The following FNTB variants were observed in gnomAD, a reference collection of about 807,000 sequenced individuals.
The protein encoded by FNTB is protein farnesyltransferase subunit beta.
In FNTB, 27 loss-of-function variants were observed where a neutral mutation model predicts 59.4. The observed-to-expected ratio is 0.45, with a 90% CI of 0.34 to 0.63. FNTB has a LOEUF of 0.63. Among genes scored for constraint, FNTB ranks in the 20% least tolerant of loss-of-function variants. The pLI is 0.02. For missense variants in FNTB, 449 were observed against 559.6 expected, an observed-to-expected ratio of 0.80 and a Z score of 1.99; for synonymous variants, 230 against 220.7, an observed-to-expected ratio of 1.04 and a Z score of -0.37.
intron 9 of FNTB, among the ~76,000 whole-genome samples, chr14:65,049,477 C>T (rs2062559755): frequency 6.6e-6 from 1 of 152,176 alleles, no homozygotes; most frequent in Admixed American, 6.5e-5. Flanking sequence ...AGTTATCACC[C>T]TATAATCGTA....
chr14:65,061,504 T>A lies in FNTB; in HGVS notation c.*192T>A. The A allele has an allele frequency of 9.5e-7, 1 of 1,050,628 alleles. No homozygotes were observed. The highest frequency in any genetic ancestry group is 3.3e-4 in the Middle Eastern group (1 of 3,052). 65.1% of individuals were successfully genotyped at this position (1,050,628 alleles called of 1,614,324 possible). A position where few individuals can be genotyped will look rare whatever the true frequency, so the allele number is the denominator to read the frequency against. On this transcript the variant is annotated 3_prime_UTR_variant, in exon 12 of 12. Transcript: ENST00000246166. ...GAACACAGTGGCTGGTTTTAAAAAT[T>A]CTTTCCACACCTGTCAAACCAAAAA...
chr14:65,005,267 T>C (rs2061562483), intron 2 of FNTB, among the ~76,000 whole-genome samples: 1 of 152,228 alleles, frequency 6.6e-6, no homozygotes, highest in South Asian at 2.1e-4. Context: ...TCCAGTGTTT[T>C]GTAATATGTC....
chr14:65,045,199 G>A (rs893422919), intron 9 of FNTB, among the ~76,000 whole-genome samples: 6 of 152,174 alleles, frequency 3.9e-5, no homozygotes, highest in Non-Finnish European at 7.3e-5. Flanking sequence ...CTTGATGTGA[G>A]AGCAGGTGTC....
chr14:65,044,289 T>C lies in FNTB; in HGVS notation c.823-22T>C. 1 of 1,611,968 alleles carries C rather than the reference T, an allele frequency of 6.2e-7. No homozygotes were observed. The highest frequency in any genetic ancestry group is 8.5e-7 in the Non-Finnish European group (1 of 1,179,186). On this transcript the variant is annotated intron_variant, in intron 8 of 11. Coordinates refer to ENST00000246166, the MANE Select transcript of FNTB (RefSeq NM_002028.4). This position sits in a 1 kb window ranked among gnomAD's most constrained non-coding sequence, Gnocchi z 5.5. The stretch of plus-strand genomic sequence containing the variant: ...TTGTCTCTTTTAGCCTACAACTGCC[T>C]TTCCCATCTGTGTCTCCTCAGCAAT...
chr14:65,042,697 A>G (rs530975275), intron 8 of FNTB, among the ~76,000 whole-genome samples: 5 of 152,212 alleles, frequency 3.3e-5, no homozygotes, highest in African/African-American at 7.2e-5. Context: ...ATGAATTCCT[A>G]TAGCCCAAGG....
chr14:65,028,890 G>A lies in FNTB; in HGVS notation c.605+1109G>A, dbSNP rs573514546. Among the ~76,000 whole-genome samples, 5 of 152,212 alleles carry A rather than the reference G, an allele frequency of 3.3e-5. No homozygotes were observed. Among genetic ancestry groups the A allele is most frequent in the South Asian group, 2.1e-4 (1 of 4,822 alleles). On this transcript the variant is annotated intron_variant, in intron 6 of 11. Coordinates refer to ENST00000246166, the MANE Select transcript of FNTB (RefSeq NM_002028.4). This position sits in a 1 kb window ranked among gnomAD's most constrained non-coding sequence, Gnocchi z 4.4. ...CCCAAAATATGCACAGTCTTGAAACGCAGCTTTTAAAAACCTACTAAGATT... is the reference window on the plus strand; with the variant it reads ...CCCAAAATATGCACAGTCTTGAAACACAGCTTTTAAAAACCTACTAAGATT...
At chr14:65,048,638 A>C (rs1304205003) in intron 9 of FNTB, among the ~76,000 whole-genome samples, 1 of 152,184 alleles carries the variant, frequency 6.6e-6, no homozygotes, top group African/African-American at 2.4e-5. Context: ...GGACCTCTTG[A>C]GCTCAGGAGT....
intron 7 of FNTB, among the ~76,000 whole-genome samples, chr14:65,033,171 G>T (rs2062118836): frequency 4.6e-5 from 7 of 152,184 alleles, no homozygotes; most frequent in Admixed American, 4.6e-4. Flanking sequence ...CAGTGAAAAT[G>T]AATGAACTAG....
chr14:65,029,711 G>T lies in FNTB; in HGVS notation c.605+1930G>T, dbSNP rs1449992281. 6.8e-6 allele frequency among the ~76,000 whole-genome samples: 1 copy of T among 146,448 alleles called. No homozygotes were observed. The highest frequency in any genetic ancestry group is 2.0e-4 in the East Asian group (1 of 4,888). On this transcript the variant is annotated intron_variant, in intron 6 of 11. Coordinates refer to ENST00000246166, the MANE Select transcript of FNTB (RefSeq NM_002028.4). The surrounding 1 kb of genome is among the most constrained non-coding windows in gnomAD (Gnocchi z 4.7). ...CAAGTTCAGTGTTGAAGTGTAGATG[G>T]CCTGGTGGGCAGGGGAGCAGTGGAG...
chr14:65,009,014 G>A lies in FNTB; in HGVS notation c.210-3303G>A, dbSNP rs111380513. Among the ~76,000 whole-genome samples, 4 of 152,276 alleles carry A rather than the reference G, an allele frequency of 2.6e-5. No homozygotes were observed. The highest frequency in any genetic ancestry group is 9.6e-5 in the African/African-American group (4 of 41,560). ...CCCTGCACCCCCTCAAGTCCTGCAC[G>A]AAACCTGTCTTATTCTGCTCCATGT... On this transcript the variant is annotated intron_variant, in intron 2 of 11. Coordinates refer to ENST00000246166, the MANE Select transcript of FNTB (RefSeq NM_002028.4). This position sits in a 1 kb window ranked among gnomAD's most constrained non-coding sequence, Gnocchi z 4.2.
intron 1 of FNTB, among the ~76,000 whole-genome samples, chr14:64,988,250 C>T (rs1019229401): frequency 5.9e-5 from 9 of 152,118 alleles, no homozygotes; most frequent in South Asian, 2.1e-4. Context: ...CCTCACCTCT[C>T]GAATCTAGCT....
intron 1 of FNTB, among the ~76,000 whole-genome samples, chr14:65,000,367 T>C (rs1361276486): frequency 2.6e-5 from 4 of 152,184 alleles, no homozygotes. Flanking sequence ...TTTCTTGTTA[T>C]TATGTCAATC....
At chr14:65,018,359 G>T (rs903050274) in intron 4 of FNTB, among the ~76,000 whole-genome samples, 1 of 152,030 alleles carries the variant, frequency 6.6e-6, no homozygotes, top group Non-Finnish European at 1.5e-5. Flanking sequence ...ATATTTGTAT[G>T]TTAAAATATA....
In FNTB at chr14:65,016,920, GTT is replaced by G. The variant is rs34191835; in HGVS notation, c.374+1223_374+1224del. Among the ~76,000 whole-genome samples, 110 of 114,828 alleles carry G rather than the reference GTT, an allele frequency of 9.6e-4. 3 individuals carry two copies. The South Asian group carries it at 0.027, about 29-fold the overall frequency. The allele number at this position is 114,828 out of a possible 152,430, so 75.3% of individuals were successfully genotyped here. On this transcript the variant is annotated intron_variant, in intron 4 of 11. Coordinates refer to ENST00000246166, the MANE Select transcript of FNTB (RefSeq NM_002028.4). ...TAATTGTCAAAGAAAGGCCCACGTG[GTT>G]TTTTTTTTTTTTTTTTTTGAGACAG...
In FNTB at chr14:65,040,689, C is replaced by T. The variant is rs559276519; in HGVS notation, c.693-101C>T. The T allele has an allele frequency of 3.1e-5, 42 of 1,373,670 alleles. No individual in the cohort carries two copies. In the African/African-American group the frequency reaches 5.9e-4, roughly 19 times the overall value. 85.1% of individuals were successfully genotyped at this position (1,373,670 alleles called of 1,614,324 possible). ...CATTCATAGTTGTGATGGTTCACAC[C>T]TTAATCTGAGTGAACTTTTTCTCTG... On this transcript the variant is annotated intron_variant, in intron 7 of 11. Transcript: ENST00000246166.
chr14:65,058,381 T>C (rs758235001), intron 11 of FNTB, among the ~76,000 whole-genome samples: 8 of 152,170 alleles, frequency 5.3e-5, no homozygotes, highest in Non-Finnish European at 8.8e-5. Flanking sequence ...TAATAATATT[T>C]ATAAATCTTG....
At position 65,027,256 on chromosome 14, in the gene FNTB, G is replaced by A; in HGVS notation, c.375-197G>A. 1 of 825,718 alleles carries A rather than the reference G, an allele frequency of 1.2e-6. No homozygotes were observed. The highest frequency in any genetic ancestry group is 1.8e-6 in the Non-Finnish European group (1 of 545,336). The allele number at this position is 825,718 out of a possible 1,614,324, so 51.1% of individuals were successfully genotyped here. A position where few individuals can be genotyped will look rare whatever the true frequency, so the allele number is the denominator to read the frequency against. Reference sequence around the variant, plus strand: ...GCTTAAGTACGAAACTCAGAGGAGGGCAGACAGAAATGATGATAGCTGGAG... The same window carrying A: ...GCTTAAGTACGAAACTCAGAGGAGGACAGACAGAAATGATGATAGCTGGAG... On this transcript the variant is annotated intron_variant, in intron 4 of 11. Transcript: ENST00000246166. This position sits in a 1 kb window ranked among gnomAD's most constrained non-coding sequence, Gnocchi z 5.7.
chr14:65,028,739 A>G lies in FNTB; in HGVS notation c.605+958A>G, dbSNP rs2062027447. Among the ~76,000 whole-genome samples the G allele has an allele frequency of 2.0e-5, 3 of 152,248 alleles. No individual in the cohort carries two copies. ...AAAAAAATTAGATTAGGATCTGTGT[A>G]TACCAGTGAAACCAGTAGAACGACT... On this transcript the variant is annotated intron_variant, in intron 6 of 11. Transcript: ENST00000246166. The surrounding 1 kb of genome is among the most constrained non-coding windows in gnomAD (Gnocchi z 4.4).
chr14:65,009,187 C>T lies in FNTB; in HGVS notation c.210-3130C>T, dbSNP rs1240612020. On this transcript the variant is annotated intron_variant, in intron 2 of 11. Transcript: ENST00000246166. This position sits in a 1 kb window ranked among gnomAD's most constrained non-coding sequence, Gnocchi z 4.2. ...GAGGGTATTAGTCAGCTTGGGCTGC[C>T]ATAAGACGGTATCACAGATGGGGTG... is the stretch of plus-strand genomic sequence containing the variant. Among the ~76,000 whole-genome samples, 1 of 152,096 alleles carries T rather than the reference C, an allele frequency of 6.6e-6. No homozygotes were observed. Among genetic ancestry groups the T allele is most frequent in the Non-Finnish European group, 1.5e-5 (1 of 68,004 alleles).
Sources: gnomAD v4.1 joint callset for allele counts (sites outside exome capture counted in the v4.1 genomes callset) on GRCh38, gnomAD v4.1.1 for gene constraint, Gnocchi (gnomAD v3.1) non-coding constraint, MANE v1.5 for transcripts, NCBI Gene and HGNC (gene_info 2026-07-23, HGNC 2026-07-21) for gene names.